PITPNC1: variants seen among roughly 807,000 people sequenced by gnomAD.
PITPNC1 encodes the protein phosphatidylinositol transfer protein cytoplasmic 1, also known as cytoplasmic phosphatidylinositol transfer protein 1.
A neutral mutation model predicts 44.7 loss-of-function variants in PITPNC1; 18 were observed. The ratio of observed to expected loss-of-function variants is 0.40; its 90% CI spans 0.28 to 0.60. The LOEUF is 0.60. PITPNC1 is among the 20% of genes least tolerant of loss of function. The pLI is 0.39. For synonymous variants in PITPNC1, 141 were observed against 149.6 expected (o/e 0.94, Z 0.42); for missense variants, 290 against 418.4 (o/e 0.69, Z 2.68).
At chr17:67,468,096 A>G (rs1015827062) in intron 1 of PITPNC1, among the ~76,000 whole-genome samples, 7 of 152,216 alleles carry the variant, frequency 4.6e-5, no homozygotes, top group Non-Finnish European at 8.8e-5. Context: ...GATAACCATT[A>G]TAAAAGAAAC....
chr17:67,501,905 T>A (rs895784234), intron 1 of PITPNC1, among the ~76,000 whole-genome samples: 7 of 152,184 alleles, frequency 4.6e-5, no homozygotes, highest in Non-Finnish European at 7.3e-5. Context: ...GTCATTTTGG[T>A]CTTCTGCTTT....
At chr17:67,499,737 G>C (rs1236038012) in intron 1 of PITPNC1, among the ~76,000 whole-genome samples, 1 of 152,196 alleles carries the variant, frequency 6.6e-6, no homozygotes, top group East Asian at 1.9e-4. Context: ...TTATAGTTAT[G>C]TTACAGTTGC....
rs1253296450 is a variant in PITPNC1, at chr17:67,583,891, GTGTGTTTGTGTGTGTGTGTGTT to G, written c.366+5642_366+5663del. On this transcript the variant is annotated intron_variant, in intron 5 of 8. Transcript: ENST00000581322. ...TGTGTGTGTGTGTGTGTGTGTGTGT[GTGTGTTTGTGTGTGTGTGTGTT>G]TGTGTTTAGTAGAGATGGAGTGTCA... Among the ~76,000 whole-genome samples the G allele has an allele frequency of 3.5e-3, 444 of 128,476 alleles. 10 individuals are homozygous for G. Among genetic ancestry groups the G allele is most frequent in the African/African-American group, 0.011 (406 of 35,674 alleles). 84.3% of individuals were successfully genotyped at this position (128,476 alleles called of 152,430 possible). A position where few individuals can be genotyped will look rare whatever the true frequency, so the allele number is the denominator to read the frequency against.
chr17:67,627,301 T>C (rs926160128), intron 5 of PITPNC1, among the ~76,000 whole-genome samples: 7 of 152,210 alleles, frequency 4.6e-5, no homozygotes, highest in Non-Finnish European at 1.0e-4. Flanking sequence ...GAAGAGGATG[T>C]TGGGTTCCTC....
intron 1 of PITPNC1, among the ~76,000 whole-genome samples, chr17:67,481,652 C>T (rs2039703619): frequency 6.6e-6 from 1 of 151,640 alleles, no homozygotes; most frequent in Admixed American, 6.6e-5. Context: ...AAATTTATTA[C>T]CCGTAAAATA....
intron 5 of PITPNC1, among the ~76,000 whole-genome samples, chr17:67,622,468 T>C (rs1221255010): frequency 6.7e-6 from 1 of 149,282 alleles, no homozygotes; most frequent in African/African-American, 2.5e-5. Flanking sequence ...ATGTTCTCAG[T>C]GAGATGACCC....
intron 1 of PITPNC1, among the ~76,000 whole-genome samples, chr17:67,496,498 C>T (rs562947605): frequency 3.9e-5 from 6 of 152,178 alleles, no homozygotes; most frequent in African/African-American, 9.6e-5. Flanking sequence ...GCACCGGTGA[C>T]GACAATGACC....
chr17:67,529,590 C>T (rs182118090), intron 1 of PITPNC1, among the ~76,000 whole-genome samples: 80 of 152,298 alleles, frequency 5.3e-4, no homozygotes, highest in Admixed American at 1.1e-3. Context: ...AACCCCTGCA[C>T]CTGTTGCATG....
intron 1 of PITPNC1, among the ~76,000 whole-genome samples, chr17:67,467,398 G>A (rs1357699287): frequency 6.6e-6 from 1 of 152,148 alleles, no homozygotes; most frequent in African/African-American, 2.4e-5. Flanking sequence ...CAGATACAAG[G>A]TTCAGGGAGG....
chr17:67,624,214 CTTTTTT>C (rs71139163), intron 5 of PITPNC1, among the ~76,000 whole-genome samples: 3 of 127,126 alleles, frequency 2.4e-5, no homozygotes, highest in Admixed American at 9.0e-5. Flanking sequence ...TCTTTCTTTT[CTTTTTT>C]TTTTTTTTTT....
chr17:67,624,214 C>CTTTTTTTTTTTTTTTTTCT (rs71139163), intron 5 of PITPNC1, among the ~76,000 whole-genome samples: 1 of 127,126 alleles, frequency 7.9e-6, no homozygotes. Flanking sequence ...TCTTTCTTTT[C>CTTTTTTTTTTTTTTTTTCT]TTTTTTTTTT....
chr17:67,578,826 A>G (rs1353871200), intron 5 of PITPNC1, among the ~76,000 whole-genome samples: 2 of 152,188 alleles, frequency 1.3e-5, no homozygotes, highest in Non-Finnish European at 2.9e-5. Flanking sequence ...GACTAAAAAT[A>G]CAAAAATTAG....
intron 6 of PITPNC1, among the ~76,000 whole-genome samples, chr17:67,656,822 C>T (rs1047233875): frequency 6.6e-6 from 1 of 152,102 alleles, no homozygotes; most frequent in Non-Finnish European, 1.5e-5. Flanking sequence ...TAAAATAATT[C>T]TGTTCTTTTA....
At chr17:67,432,110 A>G (rs867122246) in intron 1 of PITPNC1, among the ~76,000 whole-genome samples, 24 of 152,240 alleles carry the variant, frequency 1.6e-4, no homozygotes, top group African/African-American at 5.8e-4. Context: ...CATATTTATA[A>G]GCGTGCTATG....
intron 1 of PITPNC1, among the ~76,000 whole-genome samples, chr17:67,532,418 G>T (rs1176631855): frequency 1.3e-5 from 2 of 152,138 alleles, no homozygotes; most frequent in East Asian, 3.9e-4. Context: ...GAAAGCAGGG[G>T]CAGAAATCAC....
intron 1 of PITPNC1, among the ~76,000 whole-genome samples, chr17:67,431,081 T>G (rs1266294272): frequency 1.5e-5 from 2 of 129,546 alleles, no homozygotes; most frequent in African/African-American, 2.8e-5. Context: ...TTTTTTGCGA[T>G]GGAATATTGC....
intron 2 of PITPNC1, among the ~76,000 whole-genome samples, chr17:67,549,251 C>T (rs2040725466): frequency 6.6e-6 from 1 of 152,206 alleles, no homozygotes; most frequent in South Asian, 2.1e-4. Context: ...GTCAGGAGTT[C>T]AAGACCAGCC....
chr17:67,484,725 G>A (rs1240211575), intron 1 of PITPNC1, among the ~76,000 whole-genome samples: 1 of 152,156 alleles, frequency 6.6e-6, no homozygotes, highest in Non-Finnish European at 1.5e-5. Context: ...ATCACTTGAG[G>A]TCAGGAGTTC....
Position 67,403,142 on chromosome 17 carries a change from A to G in PITPNC1, c.48+24940A>G, listed in dbSNP as rs1445845086. 3.5e-5 allele frequency among the ~76,000 whole-genome samples: 5 copies of G among 143,754 alleles called. No homozygotes were observed. The East Asian group carries it at 1.1e-3, about 31-fold the overall frequency. 94.3% of individuals were successfully genotyped at this position (143,754 alleles called of 152,430 possible). On this transcript the variant is annotated intron_variant, in intron 1 of 8. Coordinates refer to ENST00000581322, the MANE Select transcript of PITPNC1 (RefSeq NM_012417.4). ...TGAAGTGCTTGTGCCTGTAATCCCA[A>G]GGGGCCAAGGCGGGAGGATTGCTTT...
Sources: allele counts gnomAD v4.1 joint callset (sites outside exome capture counted in the v4.1 genomes callset), GRCh38; gene constraint gnomAD v4.1.1; transcripts MANE v1.5; gene names NCBI Gene and HGNC (gene_info 2026-07-23, HGNC 2026-07-21).